The following NTRK2 variants were observed in gnomAD, a reference collection of about 807,000 sequenced individuals.
The protein encoded by NTRK2 is BDNF/NT-3 growth factors receptor.
NTRK2 carries 13 observed loss-of-function variants against 94.5 expected under a neutral mutation model. The observed-to-expected ratio is 0.14, with a 90% CI of 0.09 to 0.22. The LOEUF is 0.22. Among genes scored for constraint, NTRK2 ranks in the 10% least tolerant of loss-of-function variants. The probability of loss-of-function intolerance (pLI) is 1.00; values close to 1 mark genes in which losing one functional copy is unlikely to be tolerated. For missense variants in NTRK2, 639 were observed against 1,071.2 expected, an observed-to-expected ratio of 0.60 and a Z score of 5.63; for synonymous variants, 372 against 407.4, an observed-to-expected ratio of 0.91 and a Z score of 1.05.
chr9:84,906,531 G>T (rs757751867), intron 14 of NTRK2, among the ~76,000 whole-genome samples: 1 of 152,216 alleles, frequency 6.6e-6, no homozygotes, highest in Non-Finnish European at 1.5e-5. Context: ...GGCAGGGACA[G>T]ATGGAGAGTG....
chr9:84,908,927 T>G (rs115893317), intron 14 of NTRK2, among the ~76,000 whole-genome samples: 2,227 of 152,280 alleles, frequency 0.015, 53 homozygotes, highest in African/African-American at 0.05. Flanking sequence ...ACAGAGCCCA[T>G]GTGCCCTTTA....
At chr9:84,986,398 A>G (rs1828306074) in intron 17 of NTRK2, among the ~76,000 whole-genome samples, 1 of 152,192 alleles carries the variant, frequency 6.6e-6, no homozygotes, top group African/African-American at 2.4e-5. Flanking sequence ...TACACAACCT[A>G]GATCCCTCAC....
intron 12 of NTRK2, among the ~76,000 whole-genome samples, chr9:84,778,156 A>G (rs574521310): frequency 6.6e-6 from 1 of 152,228 alleles, no homozygotes; most frequent in African/African-American, 2.4e-5. Context: ...CCAGCTACTT[A>G]GGGGACTGGG....
intron 12 of NTRK2, among the ~76,000 whole-genome samples, chr9:84,801,523 G>A (rs779888229): frequency 6.6e-6 from 1 of 152,260 alleles, no homozygotes; most frequent in African/African-American, 2.4e-5. Flanking sequence ...CTGAGCAGGG[G>A]CAGCAAGCCA....
chr9:84,966,417 A>C (rs1203568403), intron 17 of NTRK2, among the ~76,000 whole-genome samples: 2 of 152,018 alleles, frequency 1.3e-5, no homozygotes, highest in Non-Finnish European at 2.9e-5. Context: ...CCAAGTGTAG[A>C]GCTATGTTTT....
intron 13 of NTRK2, 91 bp downstream of exon 13, chr9:84,861,178 G>A (rs758748334): frequency 6.1e-6 from 6 of 988,352 alleles, no homozygotes; most frequent in African/African-American, 3.2e-5. Flanking sequence ...ACATTCCACG[G>A]TCTTTGATTC....
At chr9:84,803,116 C>T (rs1190000447) in intron 12 of NTRK2, among the ~76,000 whole-genome samples, 2 of 152,146 alleles carry the variant, frequency 1.3e-5, no homozygotes, top group Non-Finnish European at 2.9e-5. Context: ...CAACAGAGTG[C>T]CAAATGAGTC....
chr9:84,726,496 A>AAAC (rs34445941), intron 8 of NTRK2, among the ~76,000 whole-genome samples: 8,593 of 152,222 alleles, frequency 0.056, 368 homozygotes, highest in African/African-American at 0.11. Context: ...AAAAAAACAA[A>AAAC]AAACAAACTA....
rs1245745958 is a variant in NTRK2 at position 84,814,798 on chromosome 9, C to A, written c.1397-46242C>A. 10 of 1,064,024 alleles carry A rather than the reference C, an allele frequency of 9.4e-6. No individual in the cohort carries two copies. In the Admixed American group the frequency reaches 4.8e-4, roughly 51 times the overall value. 65.9% of individuals were successfully genotyped at this position (1,064,024 alleles called of 1,614,324 possible). On this transcript the variant is annotated intron_variant, in intron 12 of 18. Transcript: ENST00000277120. Reference sequence around the variant, plus strand: ...GGTCTCTCAGGGTTGGTGCATCCAGCCACATGGGCAGGGCCAGTCACATCT... The same window carrying A: ...GGTCTCTCAGGGTTGGTGCATCCAGACACATGGGCAGGGCCAGTCACATCT...
chr9:85,004,278 C>G (rs1271516384), intron 17 of NTRK2, among the ~76,000 whole-genome samples: 2 of 152,062 alleles, frequency 1.3e-5, no homozygotes, highest in Non-Finnish European at 2.9e-5. Context: ...AATAAATCAT[C>G]TCTGCTTTTC....
rs869183621 is a variant in NTRK2 at position 84,926,169 on chromosome 9, CCTTTCTTTCTTTCTTTCTTT to C, written c.1634-7948_1634-7929del. Among the ~76,000 whole-genome samples, 249 of 38,506 alleles carry C rather than the reference CCTTTCTTTCTTTCTTTCTTT, an allele frequency of 6.5e-3. 3 individuals are homozygous for C. The highest frequency in any genetic ancestry group is 8.3e-3 in the Admixed American group (27 of 3,258). 25.3% of individuals were successfully genotyped at this position (38,506 alleles called of 152,430 possible). On this transcript the variant is annotated intron_variant, in intron 14 of 18. Transcript: ENST00000277120. Reference sequence around the variant, plus strand: ...TCCTTCCTTCCTTCCTTCCTTCCTTCCTTTCTTTCTTTCTTTCTTTCTTTCTTTCTTTCTTTCTTTCTTTC... The same window carrying C: ...TCCTTCCTTCCTTCCTTCCTTCCTTCCTTTCTTTCTTTCTTTCTTTCTTTC...
chr9:84,754,694 G>A lies in NTRK2; in HGVS notation c.1396+2609G>A, dbSNP rs1165721336. ...AGCTTTGGCCAGGACTAGGCACCAT[G>A]TGAAAGGCTTGTGGCTGCTGTGCAG... On this transcript the variant is annotated intron_variant, in intron 12 of 18. Coordinates refer to ENST00000277120, the MANE Select transcript of NTRK2 (RefSeq NM_006180.6). 2.6e-5 allele frequency among the ~76,000 whole-genome samples: 4 copies of A among 152,312 alleles called. No homozygotes were observed. The East Asian group carries it at 5.8e-4, about 22-fold the overall frequency.
chr9:84,995,679 A>T (rs1458986671), intron 17 of NTRK2, among the ~76,000 whole-genome samples: 1 of 152,226 alleles, frequency 6.6e-6, no homozygotes, highest in African/African-American at 2.4e-5. Flanking sequence ...TGTTGCAAGC[A>T]CTAAATATAC....
intron 15 of NTRK2, among the ~76,000 whole-genome samples, chr9:84,942,533 A>G (rs979845095): frequency 1.1e-4 from 16 of 152,206 alleles, no homozygotes; most frequent in African/African-American, 3.4e-4. Flanking sequence ...GGTGGCTTTT[A>G]TAGAACAATG....
chr9:84,749,245 A>G (rs1248089802), intron 11 of NTRK2, among the ~76,000 whole-genome samples: 3 of 152,140 alleles, frequency 2.0e-5, no homozygotes, highest in African/African-American at 4.8e-5. Flanking sequence ...AAAAAAGTCT[A>G]TACTCAAACA....
At chr9:84,784,552 C>T (rs2067936093) in intron 12 of NTRK2, among the ~76,000 whole-genome samples, 1 of 152,102 alleles carries the variant, frequency 6.6e-6, no homozygotes, top group Non-Finnish European at 1.5e-5. Flanking sequence ...TGCCTGTGTA[C>T]ATTTGGGTAC....
chr9:84,889,013 C>T (rs1313191412), intron 14 of NTRK2, among the ~76,000 whole-genome samples: 6 of 60,042 alleles, frequency 1.0e-4, no homozygotes, highest in South Asian at 6.1e-4. Flanking sequence ...TTTTTTGAGA[C>T]GGAGTCTCGC....
At chr9:84,705,694 C>A (rs554687512) in intron 4 of NTRK2, among the ~76,000 whole-genome samples, 4 of 150,264 alleles carry the variant, frequency 2.7e-5, no homozygotes, top group Non-Finnish European at 5.9e-5. Flanking sequence ...ATTGGGACTT[C>A]TGATGAAGAT....
At chr9:84,900,258 C>T (rs2076886769) in intron 14 of NTRK2, among the ~76,000 whole-genome samples, 1 of 152,150 alleles carries the variant, frequency 6.6e-6, no homozygotes, top group South Asian at 2.1e-4. Context: ...TAAAAGACAA[C>T]TATTCATAGA....
Sources: allele counts gnomAD v4.1 joint callset (sites outside exome capture counted in the v4.1 genomes callset), GRCh38; gene constraint gnomAD v4.1.1; transcripts MANE v1.5; gene names NCBI Gene and HGNC (gene_info 2026-07-23, HGNC 2026-07-21).